DNTTIP2: variants seen among roughly 807,000 people sequenced by gnomAD.
DNTTIP2 encodes deoxynucleotidyltransferase terminal-interacting protein 2.
A neutral mutation model predicts 62.4 loss-of-function variants in DNTTIP2; 47 were observed. The ratio of observed to expected loss-of-function variants is 0.75; its 90% CI spans 0.60 to 0.96. The LOEUF (loss-of-function observed/expected upper bound fraction) is 0.96. Ranked by LOEUF, DNTTIP2 falls within the 40% of genes least tolerant of loss-of-function variation. The pLI, the probability that DNTTIP2 is intolerant of heterozygous loss-of-function variation, is 0.00. For synonymous variants in DNTTIP2, 322 were observed against 300.9 expected (o/e 1.07, Z -0.73); for missense variants, 870 against 849.1 (o/e 1.02, Z -0.31).
chr1:93,868,167 C>G lies in DNTTIP2; in HGVS notation c.*1684G>C, dbSNP rs1476405616. 6.6e-6 allele frequency: 1 copy of G among 151,912 alleles called. No individual in the cohort carries two copies. Among genetic ancestry groups the G allele is most frequent in the Non-Finnish European group, 1.5e-5 (1 of 67,988 alleles). The allele number at this position is 151,912 out of a possible 1,614,324, so 9.4% of individuals were successfully genotyped here. On this transcript the variant is annotated 3_prime_UTR_variant, in exon 7 of 7. Coordinates refer to ENST00000436063, the MANE Select transcript of DNTTIP2 (RefSeq NM_014597.5). The stretch of plus-strand genomic sequence containing the variant: ...CTTAAACAAATTTACAAGAAAAAAC[C>G]CCATCAAAAAGTGGGTGAAGGATAT...
At chr1:93,874,587 G>A (rs1213808130) in intron 3 of DNTTIP2, among the ~76,000 whole-genome samples, 1 of 152,168 alleles carries the variant, frequency 6.6e-6, no homozygotes, top group African/African-American at 2.4e-5. Context: ...TAGAGCAGAT[G>A]ACAGCTGGGT....
At chr1:93,870,941 GC>G (rs1379752761) in intron 5 of DNTTIP2, 149 bp from the exon 6 acceptor site, 4 of 368,284 alleles carry the variant, frequency 1.1e-5, no homozygotes, top group African/African-American at 5.0e-5. Flanking sequence ...TTTATTTAAA[GC>G]AAAAAAAAAA....
rs1236354097 is a variant in DNTTIP2 at position 93,877,050 on chromosome 1, A to G, written c.885T>C (p.Asn295=). 2.5e-6 allele frequency: 4 copies of G among 1,612,230 alleles called. No homozygotes were observed. In the East Asian group the frequency reaches 8.9e-5, roughly 36 times the overall value. ...NVESLKETKQ[N]CKDLDEDANG... is the part of the protein sequence containing the mutation. ...TGGCATCTTCATCCAAATCCTTACA[A>G]TTCTGTTTTGTTTCTTTAAGAGATT... Residue 295 remains asparagine, a synonymous_variant, in exon 2 of 7, where the codon AAT becomes AAC. Transcript: ENST00000436063.
chr1:93,877,664 C>T lies in DNTTIP2; in HGVS notation c.271G>A (p.Glu91Lys). 1 of 1,613,984 alleles carries T rather than the reference C, an allele frequency of 6.2e-7. No individual in the cohort carries two copies. Among genetic ancestry groups the T allele is most frequent in the Non-Finnish European group, 8.5e-7 (1 of 1,179,884 alleles). ...PSTDGETSEA[E>K]SNYSVSEHHD... is the part of the protein sequence containing the mutation. ...TGCTCAGACACAGAATAATTTGACTCTGCCTCAGAGGTTTCTCCATCCGTA... is the reference window on the plus strand; with the variant it reads ...TGCTCAGACACAGAATAATTTGACTTTGCCTCAGAGGTTTCTCCATCCGTA... The change falls in exon 2 of 7, where the codon GAG (glutamate) becomes AAG (lysine). Residue 91 changes from glutamate to lysine, a missense_variant. Physicochemically the swap from Glu to Lys is moderately conservative, Grantham distance 56. Transcript: ENST00000436063.
intron 3 of DNTTIP2, among the ~76,000 whole-genome samples, chr1:93,874,088 T>C (rs1276624538): frequency 6.6e-6 from 1 of 152,246 alleles, no homozygotes; most frequent in Non-Finnish European, 1.5e-5. Flanking sequence ...CGTCTAGGCT[T>C]TCCTATCACT....
intron 5 of DNTTIP2, among the ~76,000 whole-genome samples, chr1:93,871,391 A>C (rs1361736994): frequency 6.6e-6 from 1 of 152,256 alleles, no homozygotes; most frequent in Non-Finnish European, 1.5e-5. Flanking sequence ...CTCTGAAGAC[A>C]AAGTGACCAA....
At position 93,868,095 on chromosome 1, in the gene DNTTIP2, T is replaced by A. The variant is rs1245047070; in HGVS notation, c.*1756A>T. ...TCTACAGAATGGGAGAAAATTTCTGTAATCTATCCATCTGACAAAGGGCTA... is the reference window on the plus strand; with the variant it reads ...TCTACAGAATGGGAGAAAATTTCTGAAATCTATCCATCTGACAAAGGGCTA... On this transcript the variant is annotated 3_prime_UTR_variant, in exon 7 of 7. Coordinates refer to ENST00000436063, the MANE Select transcript of DNTTIP2 (RefSeq NM_014597.5). 4 of 152,188 alleles carry A rather than the reference T, an allele frequency of 2.6e-5. No homozygotes were observed. Among genetic ancestry groups the A allele is most frequent in the African/African-American group, 9.7e-5 (4 of 41,442 alleles). 9.4% of individuals were successfully genotyped at this position (152,188 alleles called of 1,614,324 possible). A position where few individuals can be genotyped will look rare whatever the true frequency, so the allele number is the denominator to read the frequency against.
chr1:93,873,298 A>G lies in DNTTIP2; in HGVS notation c.1807-84T>C. The G allele has an allele frequency of 1.1e-5, 12 of 1,112,722 alleles. No individual in the cohort carries two copies. The South Asian group carries it at 1.7e-4, about 15-fold the overall frequency. 68.9% of individuals were successfully genotyped at this position (1,112,722 alleles called of 1,614,324 possible). The stretch of plus-strand genomic sequence containing the variant: ...CAGTTTAAACTTCTGTAAGTTTTAA[A>G]ATTTTTAGTCAGCCTGGCAAAGTGG... On this transcript the variant is annotated intron_variant, in intron 3 of 6. Coordinates refer to ENST00000436063, the MANE Select transcript of DNTTIP2 (RefSeq NM_014597.5).
rs1327096201 is a variant in DNTTIP2 at position 93,869,214 on chromosome 1, T to C, written c.*637A>G. ...TCGAAGAAACCCTGGCCAACTTAAA[T>C]TATAGTTTAATCCTGTTTTACTTGG... On this transcript the variant is annotated 3_prime_UTR_variant, in exon 7 of 7. Transcript: ENST00000436063. 7.0e-6 allele frequency: 1 copy of C among 142,606 alleles called. No homozygotes were observed. Among genetic ancestry groups the C allele is most frequent in the Non-Finnish European group, 1.5e-5 (1 of 64,990 alleles). 8.8% of individuals were successfully genotyped at this position (142,606 alleles called of 1,614,324 possible).
chr1:93,870,691 T>G lies in DNTTIP2; in HGVS notation c.2169A>C (p.Glu723Asp). 1.3e-6 allele frequency: 2 copies of G among 1,542,622 alleles called. No individual in the cohort carries two copies. The highest frequency in any genetic ancestry group is 1.8e-6 in the Non-Finnish European group (2 of 1,138,756). The change falls in exon 6 of 7, where the codon GAA becomes GAC. Residue 723 changes from glutamate to aspartate, a missense_variant. By Grantham distance (45) the Glu-to-Asp change is conservative (BLOSUM62 2). Coordinates refer to ENST00000436063, the MANE Select transcript of DNTTIP2 (RefSeq NM_014597.5). ...AATATGAATTCCTTTACCTTCTGAA[T>G]TCAGAATCAGCCAGCAGTTCTTCCA... ...TIVEELLADS[E>D]FRRYNRRKYS...
In DNTTIP2 at chr1:93,868,823, A is replaced by AGGGGAACATCACAC. The variant is rs1478311146; in HGVS notation, c.*1014_*1027dup. The AGGGGAACATCACAC allele has an allele frequency of 6.6e-6, 1 of 152,018 alleles. No individual in the cohort carries two copies. The highest frequency in any genetic ancestry group is 1.5e-5 in the Non-Finnish European group (1 of 68,034). The allele number at this position is 152,018 out of a possible 1,614,324, so 9.4% of individuals were successfully genotyped here. A position where few individuals can be genotyped will look rare whatever the true frequency, so the allele number is the denominator to read the frequency against. ...ACAATGAGAACACATGGACACAGGGAGGGGAACATCACACACTGGGGCCTG... is the reference window on the plus strand; with the variant it reads ...ACAATGAGAACACATGGACACAGGGAGGGGAACATCACACGGGGAACATCACACACTGGGGCCTG... On this transcript the variant is annotated 3_prime_UTR_variant, in exon 7 of 7. Coordinates refer to ENST00000436063, the MANE Select transcript of DNTTIP2 (RefSeq NM_014597.5).
rs948809882 is a variant in DNTTIP2 at position 93,875,590 on chromosome 1, A to T, written c.1806+55T>A. 6.5e-6 allele frequency: 10 copies of T among 1,548,228 alleles called. No individual in the cohort carries two copies. In the Admixed American group the frequency reaches 2.1e-4, roughly 33 times the overall value. On this transcript the variant is annotated intron_variant, in intron 3 of 6. Transcript: ENST00000436063. ...AAATTAAGTCTTTTACCAAGGACTA[A>T]TTTCTAAAAGTGATTGGTTAGTTCT...
chr1:93,877,902 T>G, intron 1 of DNTTIP2, 40 bp from the exon 2 acceptor site: 1 of 1,571,002 alleles, frequency 6.4e-7, no homozygotes, highest in Non-Finnish European at 8.6e-7. Context: ...TAGGTAGGGC[T>G]GGAACAAGGG....
intron 3 of DNTTIP2, 86 bp from the exon 4 acceptor site, chr1:93,873,300 T>C (rs1242569795): frequency 9.2e-7 from 1 of 1,086,046 alleles, no homozygotes; most frequent in Admixed American, 2.3e-5. Context: ...AGTTTTAAAA[T>C]TTTTAGTCAG....
At chr1:93,878,911 G>T in intron 1 of DNTTIP2, 166 bp downstream of exon 1, 1 of 850,834 alleles carries the variant, frequency 1.2e-6, no homozygotes, top group Non-Finnish European at 1.8e-6. Flanking sequence ...AGGCTAAACA[G>T]TTTCCGTGAC....
At chr1:93,873,553 G>C (rs916717463) in intron 3 of DNTTIP2, among the ~76,000 whole-genome samples, 2 of 150,350 alleles carry the variant, frequency 1.3e-5, no homozygotes, top group African/African-American at 4.9e-5. Context: ...AGCAAGCTAT[G>C]ACTGTGCCAC....
chr1:93,878,928 A>C, intron 1 of DNTTIP2, 149 bp downstream of exon 1: 1 of 977,496 alleles, frequency 1.0e-6, no homozygotes, highest in Non-Finnish European at 1.5e-6. Context: ...TGACAGGCTT[A>C]GCACGGGGCC....
Position 93,876,511 on chromosome 1 carries a change from A to C in DNTTIP2, c.1424T>G (p.Leu475Ter). 6.2e-7 allele frequency: 1 copy of C among 1,613,952 alleles called. No individual in the cohort carries two copies. The highest frequency in any genetic ancestry group is 1.3e-5 in the African/African-American group (1 of 75,028). ...FVENSGQRES[L>*]SGDTGSLSCD... ...TGACAGACTTCCTGTGTCTCCACTT[A>C]ATGACTCCCTTTGGCCACTATTTTC... Residue 475 changes from leucine (L) to a stop codon, truncating the protein, a stop_gained, in exon 2 of 7, where the codon TTA (leucine) becomes TGA (stop). Transcript: ENST00000436063. LOFTEE classifies it high-confidence loss of function.
chr1:93,870,821 G>A (rs1344783998), intron 5 of DNTTIP2, 29 bp from the exon 6 acceptor site: 2 of 1,242,712 alleles, frequency 1.6e-6, no homozygotes, highest in Non-Finnish European at 2.2e-6. Flanking sequence ...AATAAGTCAT[G>A]CATTGAGTGC....
Sources: allele counts gnomAD v4.1 joint callset (sites outside exome capture counted in the v4.1 genomes callset), GRCh38; gene constraint gnomAD v4.1.1; transcripts MANE v1.5; gene names NCBI Gene and HGNC (gene_info 2026-07-23, HGNC 2026-07-21).